KCNU1: variants seen among roughly 807,000 people sequenced by gnomAD.
KCNU1 encodes potassium channel subfamily U member 1.
KCNU1 carries 93 observed loss-of-function variants against 126.8 expected under a neutral mutation model. The observed-to-expected ratio is 0.73, with a 90% CI of 0.62 to 0.87. The LOEUF is 0.87. KCNU1 is among the 40% of genes least tolerant of loss of function. The pLI, the probability that KCNU1 is intolerant of heterozygous loss-of-function variation, is 0.00. For synonymous variants in KCNU1, 523 were observed against 494.2 expected, an observed-to-expected ratio of 1.06 and a Z score of -0.77; for missense variants, 1,330 against 1,367.1, an observed-to-expected ratio of 0.97 and a Z score of 0.43.
At chr8:36,785,415 A>T (rs957152916) in intron 1 of KCNU1, among the ~76,000 whole-genome samples, 1 of 152,196 alleles carries the variant, frequency 6.6e-6, no homozygotes, top group African/African-American at 2.4e-5. Flanking sequence ...AACACATTTC[A>T]CCTGTGCATC....
intron 10 of KCNU1, among the ~76,000 whole-genome samples, chr8:36,832,781 T>C (rs1052467172): frequency 2.0e-5 from 3 of 152,150 alleles, no homozygotes; most frequent in Non-Finnish European, 4.4e-5. Flanking sequence ...TCCTTGATCC[T>C]ATTCTAATAC....
intron 19 of KCNU1, among the ~76,000 whole-genome samples, chr8:36,872,054 C>T (rs1047091761): frequency 5.9e-5 from 9 of 152,142 alleles, no homozygotes; most frequent in Admixed American, 2.0e-4. Flanking sequence ...GTAGGCAAAT[C>T]GCACTGATTT....
intron 22 of KCNU1, 143 bp downstream of exon 22, chr8:36,911,262 C>A: frequency 1.7e-6 from 1 of 589,538 alleles, no homozygotes; most frequent in Non-Finnish European, 2.8e-6. Context: ...CTGAGAATCC[C>A]ATAGTAGAAA....
chr8:36,785,098 A>T (rs1802666985), intron 1 of KCNU1, among the ~76,000 whole-genome samples: 1 of 152,264 alleles, frequency 6.6e-6, no homozygotes, highest in Non-Finnish European at 1.5e-5. Context: ...TACACAGAGA[A>T]GCCCATGCAT....
Position 36,860,306 on chromosome 8 carries a change from T to C in KCNU1, c.1892-4098T>C, listed in dbSNP as rs575862185. Among the ~76,000 whole-genome samples the C allele has an allele frequency of 3.8e-3, 582 of 152,284 alleles. 6 individuals are homozygous for C. Among genetic ancestry groups the C allele is most frequent in the African/African-American group, 0.013 (549 of 41,556 alleles). The stretch of plus-strand genomic sequence containing the variant: ...GTTAGCCAGGATGGTCTCAATCTCC[T>C]GACCTCTTGATCCACCCACCTCAGC... On this transcript the variant is annotated intron_variant, in intron 18 of 26. Transcript: ENST00000399881.
chr8:36,854,806 T>G (rs552047611), intron 18 of KCNU1, among the ~76,000 whole-genome samples: 1 of 152,332 alleles, frequency 6.6e-6, no homozygotes, highest in East Asian at 1.9e-4. Flanking sequence ...TTATAACTTT[T>G]TGTTGAAAAT....
At chr8:36,886,714 G>A (rs988722074) in intron 19 of KCNU1, among the ~76,000 whole-genome samples, 7 of 152,104 alleles carry the variant, frequency 4.6e-5, no homozygotes, top group Non-Finnish European at 1.0e-4. Context: ...ATTGCATCGT[G>A]GTGAAGTCTG....
intron 7 of KCNU1, 72 bp from the exon 8 acceptor site, chr8:36,814,135 T>C (rs1284234500): frequency 2.6e-6 from 3 of 1,146,466 alleles, no homozygotes; most frequent in Non-Finnish European, 3.8e-6. Context: ...TAATCTAATG[T>C]TTTGCCTATT....
intron 5 of KCNU1, 95 bp downstream of exon 5, chr8:36,806,475 CCTGA>C: frequency 1.5e-6 from 1 of 672,512 alleles, no homozygotes; most frequent in Non-Finnish European, 2.5e-6. Context: ...GTTCTTAATG[CCTGA>C]CTGTCATTTT....
chr8:36,784,748 G>C (rs549712533), intron 1 of KCNU1, 143 bp downstream of exon 1: 1 of 666,494 alleles, frequency 1.5e-6, no homozygotes, highest in East Asian at 2.8e-5. Context: ...CAGAAAGGGT[G>C]GTAAGCCAGA....
intron 10 of KCNU1, among the ~76,000 whole-genome samples, chr8:36,819,438 C>A (rs1489316255): frequency 6.6e-6 from 1 of 152,130 alleles, no homozygotes; most frequent in East Asian, 1.9e-4. Flanking sequence ...TCTGATACTC[C>A]TGTCCCCCTC....
At chr8:36,822,861 G>C (rs759089289) in intron 10 of KCNU1, among the ~76,000 whole-genome samples, 1 of 152,094 alleles carries the variant, frequency 6.6e-6, no homozygotes, top group Non-Finnish European at 1.5e-5. Context: ...CAACTTCCTT[G>C]TCATTCTTTA....
intron 5 of KCNU1, 62 bp from the exon 6 acceptor site, chr8:36,807,313 G>A (rs767488367): frequency 6.0e-5 from 66 of 1,108,420 alleles, no homozygotes; most frequent in African/African-American, 2.8e-4. Flanking sequence ...CTGTTATAAC[G>A]TAGGCTCCCT....
At chr8:36,907,080 A>G (rs1003998513) in intron 20 of KCNU1, among the ~76,000 whole-genome samples, 2 of 152,202 alleles carry the variant, frequency 1.3e-5, no homozygotes, top group African/African-American at 4.8e-5. Context: ...AATATAGTTC[A>G]GAATACCAAC....
intron 19 of KCNU1, among the ~76,000 whole-genome samples, chr8:36,866,829 A>C (rs560508754): frequency 6.6e-6 from 1 of 152,282 alleles, no homozygotes; most frequent in African/African-American, 2.4e-5. Context: ...TATAGTTAAT[A>C]ACAATATATA....
chr8:36,911,180 C>T (rs2117534256), intron 22 of KCNU1, 61 bp downstream of exon 22: 2 of 1,325,138 alleles, frequency 1.5e-6, no homozygotes, highest in Middle Eastern at 1.9e-4. Flanking sequence ...AGATAATTAA[C>T]TCCTCTTTGA....
chr8:36,840,474 A>G lies in KCNU1; in HGVS notation c.1530A>G (p.Lys510=). ...ATTATGTATTCCAGGTTATGCCTAA[A>G]CAGACCTGGAAGAAACACTTCTTGA... The part of the protein sequence containing the change: ...FVEQNKKVMP[K]QTWKKHFLNS... Residue 510 remains lysine (K), a synonymous_variant, in exon 15 of 27, where the codon AAA becomes AAG. Transcript: ENST00000399881. The G allele has an allele frequency of 6.3e-7, 1 of 1,582,332 alleles. No homozygotes were observed. Among genetic ancestry groups the G allele is most frequent in the Non-Finnish European group, 8.7e-7 (1 of 1,152,374 alleles).
chr8:36,914,562 C>T (rs1473804711), intron 22 of KCNU1, among the ~76,000 whole-genome samples: 4 of 152,164 alleles, frequency 2.6e-5, no homozygotes, highest in African/African-American at 9.7e-5. Flanking sequence ...AGGCTATTCA[C>T]TGCAGAAATT....
Position 36,848,817 on chromosome 8 carries a change from A to C in KCNU1, c.1891+2918A>C, listed in dbSNP as rs140328526. Among the ~76,000 whole-genome samples, 389 of 152,202 alleles carry C rather than the reference A, an allele frequency of 2.6e-3. 3 individuals carry two copies. The highest frequency in any genetic ancestry group is 9.0e-3 in the African/African-American group (374 of 41,536). On this transcript the variant is annotated intron_variant, in intron 18 of 26. Transcript: ENST00000399881. Reference sequence around the variant, plus strand: ...TCTCTCATTTTTCTCCTTGCACGTCAGACAAATATCACATTTTCCTGGCCT... The same window carrying C: ...TCTCTCATTTTTCTCCTTGCACGTCCGACAAATATCACATTTTCCTGGCCT...
Sources: allele counts gnomAD v4.1 joint callset (sites outside exome capture counted in the v4.1 genomes callset), GRCh38; gene constraint gnomAD v4.1.1; transcripts MANE v1.5; gene names NCBI Gene and HGNC (gene_info 2026-07-23, HGNC 2026-07-21).